Variants in THSD7A observed in about 807,000 individuals in gnomAD.
The protein encoded by THSD7A is thrombospondin type-1 domain-containing protein 7A.
THSD7A carries 96 observed loss-of-function variants against 231.3 expected under a neutral mutation model. The ratio of observed to expected loss-of-function variants is 0.41; its 90% CI spans 0.35 to 0.49. THSD7A has a LOEUF of 0.49. THSD7A is among the 20% of genes least tolerant of loss of function. THSD7A has a pLI of 0.05. For missense variants in THSD7A, 2,290 were observed against 2,070.2 expected (o/e 1.11, Z -2.06); for synonymous variants, 940 against 743.3 (o/e 1.26, Z -4.30).
At chr7:11,668,926 C>G (rs1783264895) in intron 1 of THSD7A, among the ~76,000 whole-genome samples, 1 of 152,170 alleles carries the variant, frequency 6.6e-6, no homozygotes, top group African/African-American at 2.4e-5. Flanking sequence ...CTAATTAACA[C>G]AAGACTATCA....
intron 1 of THSD7A, among the ~76,000 whole-genome samples, chr7:11,662,063 C>T (rs1413479307): frequency 6.6e-6 from 1 of 150,840 alleles, no homozygotes; most frequent in African/African-American, 2.4e-5. Context: ...GAAAAAGATA[C>T]ATAGAAGAGT....
At chr7:11,661,613 T>A (rs1468303437) in intron 1 of THSD7A, among the ~76,000 whole-genome samples, 2 of 149,536 alleles carry the variant, frequency 1.3e-5, no homozygotes, top group African/African-American at 4.9e-5. Context: ...TAGGAGAAAA[T>A]CCAATTCAAA....
chr7:11,663,021 A>G (rs1782989442), intron 1 of THSD7A, among the ~76,000 whole-genome samples: 1 of 151,300 alleles, frequency 6.6e-6, no homozygotes, highest in South Asian at 2.1e-4. Context: ...AGAATAATAA[A>G]ATGAAGCCAA....
At chr7:11,434,152 G>A (rs533143032) in intron 13 of THSD7A, among the ~76,000 whole-genome samples, 1 of 151,852 alleles carries the variant, frequency 6.6e-6, no homozygotes, top group South Asian at 2.1e-4. Flanking sequence ...ACAATCATGG[G>A]GGATGGAAAG....
At chr7:11,447,492 A>G in intron 11 of THSD7A, 68 bp from the exon 12 acceptor site, 1 of 1,343,372 alleles carries the variant, frequency 7.4e-7, no homozygotes, top group African/African-American at 1.5e-5. Context: ...TTAGAAGCTA[A>G]CCTAACATTT....
At chr7:11,604,353 G>A (rs778306788) in intron 2 of THSD7A, among the ~76,000 whole-genome samples, 12 of 152,090 alleles carry the variant, frequency 7.9e-5, no homozygotes, top group Non-Finnish European at 1.6e-4. Context: ...ACCGGGTACC[G>A]TGTTGAGTTT....
intron 15 of THSD7A, 118 bp from the exon 16 acceptor site, chr7:11,424,947 T>G (rs1283751684): frequency 4.9e-6 from 6 of 1,221,478 alleles, no homozygotes; most frequent in South Asian, 4.4e-5. Flanking sequence ...CCTCCTTTAC[T>G]GCTTATTATT....
At chr7:11,558,838 A>G (rs1489879087) in intron 4 of THSD7A, among the ~76,000 whole-genome samples, 1 of 152,206 alleles carries the variant, frequency 6.6e-6, no homozygotes. Flanking sequence ...TTACTTAGCA[A>G]AAGGGACTCC....
At chr7:11,437,482 G>C (rs1784670201) in intron 13 of THSD7A, among the ~76,000 whole-genome samples, 1 of 151,918 alleles carries the variant, frequency 6.6e-6, no homozygotes, top group Non-Finnish European at 1.5e-5. Flanking sequence ...CTCATCCCCT[G>C]CCTCTCTTTT....
At position 11,545,104 on chromosome 7, in the gene THSD7A, T is replaced by C. The variant is rs113733423; in HGVS notation, c.1454-1987A>G. Among the ~76,000 whole-genome samples the C allele has an allele frequency of 5.3e-5, 8 of 152,264 alleles. 1 individual carries two copies. Among genetic ancestry groups the C allele is most frequent in the African/African-American group, 1.9e-4 (8 of 41,556 alleles). On this transcript the variant is annotated intron_variant, in intron 4 of 27. Transcript: ENST00000423059. The stretch of plus-strand genomic sequence containing the variant: ...ATAAAAATGGATTCTTTTAAAGACA[T>C]GTATAGGCAGAAGAGTCTATACTAT...
intron 15 of THSD7A, among the ~76,000 whole-genome samples, chr7:11,425,260 A>T (rs1213931306): frequency 6.6e-6 from 1 of 152,212 alleles, no homozygotes; most frequent in Non-Finnish European, 1.5e-5. Context: ...TCAAATAAGT[A>T]TAAAACATAG....
At chr7:11,641,653 A>G (rs1197283982) in intron 1 of THSD7A, among the ~76,000 whole-genome samples, 1 of 151,996 alleles carries the variant, frequency 6.6e-6, no homozygotes, top group Non-Finnish European at 1.5e-5. Context: ...CTTCATGGAG[A>G]TATATAAAAA....
intron 1 of THSD7A, among the ~76,000 whole-genome samples, chr7:11,787,354 A>T (rs1783823600): frequency 6.6e-6 from 1 of 151,982 alleles, no homozygotes; most frequent in Admixed American, 6.6e-5. Flanking sequence ...TGGATATAGA[A>T]TTTTTTTTAG....
intron 4 of THSD7A, among the ~76,000 whole-genome samples, chr7:11,563,663 C>T (rs1790173364): frequency 6.6e-6 from 1 of 152,124 alleles, no homozygotes; most frequent in Admixed American, 6.6e-5. Flanking sequence ...TGCCCAGCCA[C>T]TGAGTTATGG....
intron 6 of THSD7A, among the ~76,000 whole-genome samples, chr7:11,485,577 CA>C (rs1786622349): frequency 6.6e-6 from 1 of 150,788 alleles, no homozygotes; most frequent in Non-Finnish European, 1.5e-5. Context: ...AATTGAGACT[CA>C]AAAAGGTTAA....
chr7:11,419,672 T>C (rs1013565017), intron 16 of THSD7A, among the ~76,000 whole-genome samples: 11 of 151,904 alleles, frequency 7.2e-5, no homozygotes, highest in Non-Finnish European at 1.2e-4. Context: ...TGGGCAGAGG[T>C]TGGAACAGTT....
intron 15 of THSD7A, among the ~76,000 whole-genome samples, chr7:11,425,772 A>G (rs1784298897): frequency 6.6e-6 from 1 of 151,212 alleles, no homozygotes; most frequent in African/African-American, 2.4e-5. Context: ...ACACTGAGAG[A>G]CAGAGACAGA....
At chr7:11,638,993 T>C (rs950828685) in intron 1 of THSD7A, among the ~76,000 whole-genome samples, 5 of 152,118 alleles carry the variant, frequency 3.3e-5, no homozygotes, top group African/African-American at 9.7e-5. Context: ...ATTCCACACA[T>C]CCTTGGCATT....
intron 13 of THSD7A, among the ~76,000 whole-genome samples, chr7:11,441,807 A>T (rs572649366): frequency 6.6e-6 from 1 of 152,016 alleles, no homozygotes; most frequent in Non-Finnish European, 1.5e-5. Flanking sequence ...AGGGAGGGGA[A>T]CATCACACAC....
Sources: gnomAD v4.1 joint callset for allele counts (sites outside exome capture counted in the v4.1 genomes callset) on GRCh38, gnomAD v4.1.1 for gene constraint, MANE v1.5 for transcripts, NCBI Gene and HGNC (gene_info 2026-07-23, HGNC 2026-07-21) for gene names.